Variants in CD1B observed in about 807,000 individuals in gnomAD.
CD1B encodes the protein CD1b molecule.
CD1B carries 43 observed loss-of-function variants against 39.8 expected under a neutral mutation model. The observed-to-expected ratio is 1.08, with a 90% CI of 0.85 to 1.39. The LOEUF (loss-of-function observed/expected upper bound fraction) is 1.39, where lower values mean the gene tolerates loss of function less well. CD1B is among the 40% of genes most tolerant of loss of function. CD1B has a pLI of 0.00. For synonymous variants in CD1B, 192 were observed against 152.5 expected (o/e 1.26, Z -1.91); for missense variants, 495 against 403.8 (o/e 1.23, Z -1.94).
At chr1:158,291,373 GA>G in the CD1B span, 1 of 1,613,970 alleles carries the variant, frequency 6.2e-7, no homozygotes, top group Admixed American at 1.7e-5. Flanking sequence ...GGAGATTCAA[GA>G]CCATGCAAGT....
chr1:158,297,544 A>G, the CD1B span, among the ~76,000 whole-genome samples: 27 of 152,218 alleles, frequency 1.8e-4, no homozygotes, highest in Admixed American at 5.9e-4. Flanking sequence ...TTAAGTCTAC[A>G]TAACAACCAG....
At chr1:158,321,280 GT>G in the CD1B span, among the ~76,000 whole-genome samples, 4 of 151,930 alleles carry the variant, frequency 2.6e-5, no homozygotes, top group South Asian at 2.1e-4. Flanking sequence ...TTTTTTTACA[GT>G]TTTTTTGGCT....
At chr1:158,310,145 G>C in the CD1B span, among the ~76,000 whole-genome samples, 1 of 151,894 alleles carries the variant, frequency 6.6e-6, no homozygotes, top group African/African-American at 2.4e-5. Context: ...ACAGGTTAGA[G>C]AACCCAGAAA....
At chr1:158,300,762 T>C in the CD1B span, among the ~76,000 whole-genome samples, 8,419 of 129,326 alleles carry the variant, frequency 0.065, 276 homozygotes, top group Non-Finnish European at 0.089. Flanking sequence ...CTCTCTCTCT[T>C]TTTTTTTTTT....
At chr1:158,309,986 A>AG in the CD1B span, among the ~76,000 whole-genome samples, 1 of 145,516 alleles carries the variant, frequency 6.9e-6, no homozygotes, top group Non-Finnish European at 1.5e-5. Flanking sequence ...TATAATAATA[A>AG]AAAAAAAAGA....
chr1:158,318,416 A>T, the CD1B span, among the ~76,000 whole-genome samples: 1 of 152,114 alleles, frequency 6.6e-6, no homozygotes, highest in African/African-American at 2.4e-5. Context: ...ACCATTCTGT[A>T]ATGGTCTTCT....
At chr1:158,308,189 T>G in the CD1B span, among the ~76,000 whole-genome samples, 2,683 of 150,790 alleles carry the variant, frequency 0.018, 83 homozygotes, top group African/African-American at 0.062. Flanking sequence ...TACACACCAG[T>G]AACAGACAGA....
the CD1B span, among the ~76,000 whole-genome samples, chr1:158,315,075 G>A: frequency 6.6e-6 from 1 of 150,614 alleles, no homozygotes; most frequent in Admixed American, 6.6e-5. Flanking sequence ...ATTTGGGTTG[G>A]TTCCAAGTCT....
chr1:158,309,916 G>C, the CD1B span, among the ~76,000 whole-genome samples: 2 of 151,710 alleles, frequency 1.3e-5, no homozygotes, highest in Non-Finnish European at 2.9e-5. Context: ...CAACAACATG[G>C]CACATGTATA....
the CD1B span, among the ~76,000 whole-genome samples, chr1:158,298,642 G>A: frequency 1.3e-5 from 2 of 152,028 alleles, no homozygotes; most frequent in Admixed American, 6.6e-5. Context: ...TCTTCCTATC[G>A]ATGAGCATGG....
the CD1B span, among the ~76,000 whole-genome samples, chr1:158,311,863 T>G: frequency 6.6e-6 from 1 of 152,216 alleles, no homozygotes; most frequent in Non-Finnish European, 1.5e-5. Context: ...ATGTATCTGT[T>G]TTTATACCAG....
rs766071899 is a variant in CD1B, at chr1:158,331,022, C to T, written c.102G>A (p.Ser34=). The change falls in exon 2 of 6, where the codon TCG becomes TCA. Residue 34 remains serine, a synonymous_variant. Transcript: ENST00000368168. ...GPTSFHVIQT[S]SFTNSTWAQT... ...GTGCCCAGGTACTATTGGTAAAGGA[C>T]GAGGTCTGGATAACATGAAAGGAGG... 6.2e-6 allele frequency: 10 copies of T among 1,613,832 alleles called. No homozygotes were observed. The highest frequency in any genetic ancestry group is 1.7e-4 in the Middle Eastern group (1 of 6,054).
At chr1:158,291,205 C>G in the CD1B span, 1 of 1,613,788 alleles carries the variant, frequency 6.2e-7, no homozygotes, top group Non-Finnish European at 8.5e-7. Flanking sequence ...GGCACGAGGT[C>G]AGGGCTCAGG....
At chr1:158,294,587 TTATA>T in the CD1B span, among the ~76,000 whole-genome samples, 1 of 152,216 alleles carries the variant, frequency 6.6e-6, no homozygotes. Flanking sequence ...ATTTTGATAA[TTATA>T]TAAGCCCATG....
downstream of CD1B, among the ~76,000 whole-genome samples, chr1:158,325,249 G>T (rs934918273): frequency 1.3e-4 from 20 of 151,856 alleles, no homozygotes; most frequent in Non-Finnish European, 2.2e-4. Context: ...CTTTTCTGAG[G>T]GTCCATAGTT....
chr1:158,316,222 C>A, the CD1B span, among the ~76,000 whole-genome samples: 1 of 151,980 alleles, frequency 6.6e-6, no homozygotes, highest in African/African-American at 2.4e-5. Flanking sequence ...ATGGGGATGG[C>A]ATTGAATCTG....
the CD1B span, among the ~76,000 whole-genome samples, chr1:158,316,652 C>A: frequency 1.3e-5 from 2 of 150,664 alleles, no homozygotes. Flanking sequence ...CCTTTATTTC[C>A]TTCTCCTGCC....
the CD1B span, among the ~76,000 whole-genome samples, chr1:158,309,602 C>G: frequency 3.9e-5 from 6 of 152,032 alleles, no homozygotes; most frequent in African/African-American, 1.5e-4. Context: ...CAATGATAGA[C>G]TGGATTAAGA....
the CD1B span, among the ~76,000 whole-genome samples, chr1:158,320,732 A>T: frequency 1.3e-5 from 2 of 152,014 alleles, no homozygotes; most frequent in Admixed American, 6.6e-5. Flanking sequence ...TTTTTCAAGA[A>T]ATATTGAAAT....
Sources: allele counts gnomAD v4.1 joint callset (sites outside exome capture counted in the v4.1 genomes callset), GRCh38; gene constraint gnomAD v4.1.1; transcripts MANE v1.5; gene names NCBI Gene and HGNC (gene_info 2026-07-23, HGNC 2026-07-21).